The following SBF2 variants were observed in gnomAD, a reference collection of about 807,000 sequenced individuals.
SBF2 encodes the protein SET binding factor 2.
A neutral mutation model predicts 225.2 loss-of-function variants in SBF2; 112 were observed. The ratio of observed to expected loss-of-function variants is 0.50; its 90% CI spans 0.43 to 0.58. The LOEUF (loss-of-function observed/expected upper bound fraction) is 0.58, where lower values mean the gene tolerates loss of function less well. SBF2 is among the 20% of genes least tolerant of loss of function. The pLI, the probability that SBF2 is intolerant of heterozygous loss-of-function variation, is 0.00. For synonymous variants in SBF2, 763 were observed against 773.3 expected, an observed-to-expected ratio of 0.99 and a Z score of 0.22; for missense variants, 1,996 against 2,206.2, an observed-to-expected ratio of 0.90 and a Z score of 1.91.
At chr11:10,297,942 C>A (rs945551287), upstream of SBF2, among the ~76,000 whole-genome samples, 3 of 152,246 alleles carry the variant, frequency 2.0e-5, no homozygotes, top group Non-Finnish European at 4.4e-5. Flanking sequence ...GCCAGACCAT[C>A]CCCTACAATA....
intron 17 of SBF2, among the ~76,000 whole-genome samples, chr11:9,893,048 CT>C (rs1286299209): frequency 1.3e-5 from 2 of 152,100 alleles, no homozygotes; most frequent in African/African-American, 4.8e-5. Context: ...ACTCAATAAA[CT>C]TTTGTTCCAC....
At chr11:9,894,098 T>C (rs559078032) in intron 17 of SBF2, among the ~76,000 whole-genome samples, 1 of 135,120 alleles carries the variant, frequency 7.4e-6, no homozygotes, top group Admixed American at 7.3e-5. Context: ...AATACAAAAA[T>C]CAGCCAGGCG....
intron 1 of SBF2, among the ~76,000 whole-genome samples, chr11:10,293,813 C>T (rs1185330432): frequency 6.6e-6 from 1 of 152,172 alleles, no homozygotes; most frequent in African/African-American, 2.4e-5. Flanking sequence ...GGCGTCTTCC[C>T]TCCCCCTACC....
intron 16 of SBF2, among the ~76,000 whole-genome samples, chr11:9,933,969 C>T (rs926874791): frequency 6.6e-6 from 1 of 151,964 alleles, no homozygotes; most frequent in Non-Finnish European, 1.5e-5. Flanking sequence ...TAAAAAAATG[C>T]TACTCGGGAG....
chr11:9,848,612 C>T (rs998428615), intron 22 of SBF2, among the ~76,000 whole-genome samples: 4 of 152,244 alleles, frequency 2.6e-5, no homozygotes, highest in South Asian at 2.1e-4. Flanking sequence ...ATAAGTATCA[C>T]GTTTACGTGT....
chr11:10,267,720 C>T (rs57349511), intron 1 of SBF2, among the ~76,000 whole-genome samples: 1 of 152,036 alleles, frequency 6.6e-6, no homozygotes, highest in Non-Finnish European at 1.5e-5. Context: ...ACTGTCTACA[C>T]CCAGACTTTA....
rs187698740 is a variant in SBF2 at position 9,904,945 on chromosome 11, C to A, written c.1861-8934G>T. Among the ~76,000 whole-genome samples the A allele has an allele frequency of 3.9e-5, 6 of 152,280 alleles. No individual in the cohort carries two copies. In the East Asian group the frequency reaches 1.2e-3, roughly 29 times the overall value. On this transcript the variant is annotated intron_variant, in intron 16 of 39. Transcript: ENST00000256190. ...GCAGAGATGGGAGAATCACTTGAGC[C>A]GAGCAGGTGGAGGCTACAGTGAGCC...
intron 2 of SBF2, among the ~76,000 whole-genome samples, chr11:10,169,645 T>A (rs1956109959): frequency 6.6e-6 from 1 of 152,144 alleles, no homozygotes; most frequent in South Asian, 2.1e-4. Context: ...AACATGGGAG[T>A]GCAGATTATC....
At chr11:10,096,722 T>G (rs920012337) in intron 2 of SBF2, among the ~76,000 whole-genome samples, 10 of 152,196 alleles carry the variant, frequency 6.6e-5, no homozygotes, top group African/African-American at 2.4e-4. Flanking sequence ...ACCTCAATAG[T>G]ACATTTGTGA....
intron 17 of SBF2, among the ~76,000 whole-genome samples, chr11:9,874,637 T>G (rs1416733015): frequency 6.6e-6 from 1 of 152,204 alleles, no homozygotes; most frequent in Non-Finnish European, 1.5e-5. Context: ...AGGGTTTTAT[T>G]TTGATGCTGT....
At chr11:10,091,572 C>T (rs1319427653) in intron 2 of SBF2, among the ~76,000 whole-genome samples, 2 of 152,128 alleles carry the variant, frequency 1.3e-5, no homozygotes, top group African/African-American at 4.8e-5. Context: ...GGAATGTTGC[C>T]TGCATACATA....
chr11:10,155,968 C>T (rs1955456049), intron 2 of SBF2, among the ~76,000 whole-genome samples: 1 of 152,176 alleles, frequency 6.6e-6, no homozygotes, highest in Non-Finnish European at 1.5e-5. Context: ...ACAGAGCCCA[C>T]GGGGGTGGGA....
At chr11:9,988,002 T>C (rs1393512162) in intron 13 of SBF2, among the ~76,000 whole-genome samples, 5 of 152,166 alleles carry the variant, frequency 3.3e-5, no homozygotes, top group Non-Finnish European at 7.4e-5. Context: ...GGCATCACAC[T>C]ACCTGATTTC....
intron 1 of SBF2, among the ~76,000 whole-genome samples, chr11:10,256,320 T>C (rs1462445120): frequency 6.6e-6 from 1 of 152,246 alleles, no homozygotes; most frequent in African/African-American, 2.4e-5. Context: ...TGATTTCTAC[T>C]GTCCTGCAGC....
chr11:9,849,992 A>G, intron 22 of SBF2, 31 bp downstream of exon 22: 1 of 1,585,652 alleles, frequency 6.3e-7, no homozygotes, highest in Non-Finnish European at 8.7e-7. Context: ...CCACACAGAT[A>G]CCCATGTTCT....
At chr11:9,793,388 A>AT (rs2133867253) in intron 33 of SBF2, among the ~76,000 whole-genome samples, 1 of 151,294 alleles carries the variant, frequency 6.6e-6, no homozygotes, top group South Asian at 2.1e-4. Context: ...GGGAGTTTTT[A>AT]TTTTTTATTC....
intron 2 of SBF2, among the ~76,000 whole-genome samples, chr11:10,060,652 G>A (rs4316505): frequency 0.46 from 69,791 of 151,916 alleles, 16,433 homozygotes; most frequent in Admixed American, 0.56. Flanking sequence ...TGCAAACTGA[G>A]TCCAGCAGCA....
intron 2 of SBF2, among the ~76,000 whole-genome samples, chr11:10,071,165 C>G: frequency 6.6e-6 from 1 of 152,018 alleles, no homozygotes; most frequent in East Asian, 1.9e-4. Context: ...TTTCTCTTGC[C>G]TGATTGCCCT....
chr11:9,991,685 A>G (rs1202526881), intron 12 of SBF2, among the ~76,000 whole-genome samples: 3 of 152,190 alleles, frequency 2.0e-5, no homozygotes, highest in African/African-American at 7.2e-5. Flanking sequence ...AAAAGAGCAC[A>G]ATAAATGCAA....
Sources: allele counts gnomAD v4.1 joint callset (sites outside exome capture counted in the v4.1 genomes callset), GRCh38; gene constraint gnomAD v4.1.1; transcripts MANE v1.5; gene names NCBI Gene and HGNC (gene_info 2026-07-23, HGNC 2026-07-21).